Variants in NAV2 observed in about 807,000 individuals in gnomAD.
The protein encoded by NAV2 is neuron navigator 2.
NAV2 carries 54 observed loss-of-function variants against 223.2 expected under a neutral mutation model. The ratio of observed to expected loss-of-function variants is 0.24; its 90% CI spans 0.19 to 0.30. The LOEUF is 0.30. NAV2 is among the 10% of genes least tolerant of loss of function. The pLI is 1.00. For synonymous variants in NAV2, 1,279 were observed against 1,239.3 expected (o/e 1.03, Z -0.67); for missense variants, 2,806 against 3,147.5 (o/e 0.89, Z 2.60).
rs563999536 is a variant in NAV2, at chr11:19,639,226, G to A, written c.76-193258G>A. On this transcript the variant is annotated intron_variant, in intron 1 of 37. Coordinates refer to the NAV2 transcript ENST00000360655. ...ATCTGGCTTATATTTGAGGACCCCCGACATAGTCCACTTCAGGTTTGTTGT... is the reference window on the plus strand; with the variant it reads ...ATCTGGCTTATATTTGAGGACCCCCAACATAGTCCACTTCAGGTTTGTTGT... 5.9e-4 allele frequency among the ~76,000 whole-genome samples: 90 copies of A among 152,214 alleles called. 1 individual carries two copies. Among genetic ancestry groups the A allele is most frequent in the Middle Eastern group, 3.4e-3 (1 of 294 alleles).
At chr11:19,932,120 G>T (rs2045406093) in intron 6 of NAV2, among the ~76,000 whole-genome samples, 1 of 150,026 alleles carries the variant, frequency 6.7e-6, no homozygotes, top group African/African-American at 2.5e-5. Flanking sequence ...GCTTTTCTGA[G>T]AAAAGAGTCT....
intron 1 of NAV2, among the ~76,000 whole-genome samples, chr11:19,391,773 G>C (rs892087263): frequency 6.6e-6 from 1 of 152,052 alleles, no homozygotes; most frequent in Non-Finnish European, 1.5e-5. Context: ...TTTTCTTTTT[G>C]AGTTTGTTCT....
At chr11:19,476,748 A>G (rs1351727894) in intron 1 of NAV2, among the ~76,000 whole-genome samples, 1 of 152,222 alleles carries the variant, frequency 6.6e-6, no homozygotes, top group Non-Finnish European at 1.5e-5. Context: ...TATTTCATGG[A>G]GCCTCTTGGG....
At chr11:19,658,369 T>C (rs1327275738) in intron 1 of NAV2, among the ~76,000 whole-genome samples, 1 of 152,324 alleles carries the variant, frequency 6.6e-6, no homozygotes, top group East Asian at 1.9e-4. Context: ...GATACTATTA[T>C]TATCTCTATT....
intron 1 of NAV2, among the ~76,000 whole-genome samples, chr11:19,791,799 C>T (rs2057538682): frequency 6.6e-6 from 1 of 152,202 alleles, no homozygotes; most frequent in Non-Finnish European, 1.5e-5. Context: ...CAAATTTCAG[C>T]TTTGCCAAGC....
chr11:19,948,746 A>ATACT lies in NAV2; in HGVS notation c.2312_2315dup (p.Ser773ThrfsTer46). 1 of 1,610,026 alleles carries ATACT rather than the reference A, an allele frequency of 6.2e-7. No individual in the cohort carries two copies. Among genetic ancestry groups the ATACT allele is most frequent in the Non-Finnish European group, 8.5e-7 (1 of 1,176,922 alleles). ...CACCACGGAGATGAGTGGCCGTAGCATACTCAGCTTGACAGGGAGGCCCAC... is the reference window on the plus strand; with the variant it reads ...CACCACGGAGATGAGTGGCCGTAGCATACTTACTCAGCTTGACAGGGAGGCCCAC... On this transcript the variant is annotated frameshift_variant, in exon 10 of 38. Transcript: ENST00000349880. LOFTEE classifies it high-confidence loss of function.
rs138805042 is a variant in NAV2, at chr11:20,049,002, G to A, written c.4177G>A (p.Ala1393Thr). The change falls in exon 15 of 38, where the codon GCA becomes ACA. Residue 1393 changes from alanine to threonine, a missense_variant. Around this residue, in one of 4 missense-constraint regions of NAV2, gnomAD observed 742 missense variants for 777.9 expected, o/e 0.95. Transcript: ENST00000349880. ...GGGCACCAACGCCAGCAGCTCCTCC[G>A]CAGTTAGCAAGGATGGCCTGGGCTT... ...TWGTNASSSS[A>T]VSKDGLGFQS... 2.2e-5 allele frequency: 35 copies of A among 1,613,998 alleles called. No homozygotes were observed. In the Admixed American group the frequency reaches 2.8e-4, roughly 13 times the overall value.
intron 1 of NAV2, among the ~76,000 whole-genome samples, chr11:19,437,960 G>A (rs1851270075): frequency 6.6e-6 from 1 of 152,182 alleles, no homozygotes; most frequent in Non-Finnish European, 1.5e-5. Context: ...ATCACCCTCT[G>A]TGCCAACATA....
intron 1 of NAV2, among the ~76,000 whole-genome samples, chr11:19,737,585 A>G (rs768589550): frequency 1.3e-4 from 20 of 152,210 alleles, no homozygotes; most frequent in Non-Finnish European, 2.9e-4. Context: ...TCCAAGAACC[A>G]TCCTTGCTCC....
At chr11:20,006,696 A>AAATG (rs2053107312) in intron 11 of NAV2, among the ~76,000 whole-genome samples, 1 of 151,880 alleles carries the variant, frequency 6.6e-6, no homozygotes, top group Non-Finnish European at 1.5e-5. Flanking sequence ...ATAAATAAAT[A>AAATG]AATAAATTAG....
intron 20 of NAV2, among the ~76,000 whole-genome samples, chr11:20,066,991 T>A (rs1217875509): frequency 6.6e-6 from 1 of 152,102 alleles, no homozygotes; most frequent in African/African-American, 2.4e-5. Context: ...TGCAGCAGGC[T>A]CCCCAATTCA....
At position 19,689,435 on chromosome 11, in the gene NAV2, C is replaced by A. The variant is rs115249486; in HGVS notation, c.76-143049C>A. 3.3e-3 allele frequency among the ~76,000 whole-genome samples: 500 copies of A among 152,298 alleles called. 3 individuals carry two copies. Among genetic ancestry groups the A allele is most frequent in the African/African-American group, 0.012 (481 of 41,560 alleles). ...AGGGACATGGGAACAGGACTCAGGG[C>A]AAAGACATCACTGGGGGCCAAGAGC... On this transcript the variant is annotated intron_variant, in intron 1 of 37. Transcript: ENST00000360655.
chr11:19,870,621 GAATCTATGC>G (rs1759592603), intron 4 of NAV2, among the ~76,000 whole-genome samples: 1 of 152,114 alleles, frequency 6.6e-6, no homozygotes. Context: ...AAGGCATAGA[GAATCTATGC>G]AATAAGTATT....
intron 10 of NAV2, among the ~76,000 whole-genome samples, chr11:19,960,134 AG>A (rs1339771136): frequency 6.6e-6 from 1 of 152,198 alleles, no homozygotes; most frequent in African/African-American, 2.4e-5. Context: ...TTGATGGACA[AG>A]AGGAGGAGTC....
At chr11:19,389,379 A>G (rs1164497336) in intron 1 of NAV2, among the ~76,000 whole-genome samples, 1 of 152,250 alleles carries the variant, frequency 6.6e-6, no homozygotes, top group Non-Finnish European at 1.5e-5. Flanking sequence ...GCTAAGTTGC[A>G]TATTGGAAGC....
At chr11:19,776,067 G>A (rs1265049307) in intron 1 of NAV2, among the ~76,000 whole-genome samples, 6 of 152,048 alleles carry the variant, frequency 3.9e-5, no homozygotes, top group Admixed American at 1.3e-4. Context: ...TTTTGACTAC[G>A]GAAATGAATA....
At chr11:19,650,696 A>G (rs181149409) in intron 1 of NAV2, among the ~76,000 whole-genome samples, 43 of 152,312 alleles carry the variant, frequency 2.8e-4, no homozygotes, top group African/African-American at 1.0e-3. Context: ...AAGTAAATGG[A>G]TATGCAAATT....
chr11:19,419,473 C>A lies in NAV2; in HGVS notation c.75+68446C>A, dbSNP rs193001546. The stretch of plus-strand genomic sequence containing the variant: ...CTGAGGAGGAGGTTGCTGCAGCAAT[C>A]GACTGCTCCTCCCTTTCTGCGCTTT... On this transcript the variant is annotated intron_variant, in intron 1 of 37. Coordinates refer to the NAV2 transcript ENST00000360655. Among the ~76,000 whole-genome samples the A allele has an allele frequency of 2.2e-4, 33 of 152,300 alleles. No homozygotes were observed. The East Asian group carries it at 5.0e-3, about 23-fold the overall frequency.
At chr11:19,373,820 G>A (rs1230986816) in intron 1 of NAV2, among the ~76,000 whole-genome samples, 1 of 152,144 alleles carries the variant, frequency 6.6e-6, no homozygotes, top group Non-Finnish European at 1.5e-5. Context: ...GTGAATATTT[G>A]TTACATGTTG....
Sources: allele counts gnomAD v4.1 joint callset (sites outside exome capture counted in the v4.1 genomes callset), GRCh38; gene constraint gnomAD v4.1.1; regional missense constraint gnomAD v4.1.1; transcripts MANE v1.5; gene names NCBI Gene and HGNC (gene_info 2026-07-23, HGNC 2026-07-21).